The following RBFOX1 variants were observed in gnomAD, a reference collection of about 807,000 sequenced individuals.
The protein encoded by RBFOX1 is RNA binding protein fox-1 homolog 1.
RBFOX1 carries 8 observed loss-of-function variants against 57.7 expected under a neutral mutation model. That is an observed-to-expected ratio of 0.14 (90% CI 0.08 to 0.25). RBFOX1 has a LOEUF of 0.25. Among genes scored for constraint, RBFOX1 ranks in the 10% least tolerant of loss-of-function variants. The pLI, the probability that RBFOX1 is intolerant of heterozygous loss-of-function variation, is 1.00. For missense variants in RBFOX1, 611 were observed against 548.5 expected, an observed-to-expected ratio of 1.11 and a Z score of -1.14; for synonymous variants, 326 against 222.4, an observed-to-expected ratio of 1.47 and a Z score of -4.15.
intron 3 of RBFOX1, among the ~76,000 whole-genome samples, chr16:5,831,770 G>A (rs1347945223): frequency 6.6e-6 from 1 of 152,048 alleles, no homozygotes; most frequent in South Asian, 2.1e-4. Context: ...CCCGTGTCAA[G>A]TATTCCTTTT....
chr16:6,407,585 G>GAGAA (rs1479777750), intron 2 of RBFOX1, among the ~76,000 whole-genome samples: 3 of 146,308 alleles, frequency 2.1e-5, no homozygotes, highest in African/African-American at 5.3e-5. Context: ...GAGAGAGAGA[G>GAGAA]AGAGAGAGAA....
At chr16:7,200,091 G>T (rs1410903070) in intron 4 of RBFOX1, among the ~76,000 whole-genome samples, 1 of 152,194 alleles carries the variant, frequency 6.6e-6, no homozygotes, top group East Asian at 1.9e-4. Context: ...ATACATAATA[G>T]TGTCAGGGAC....
intron 3 of RBFOX1, among the ~76,000 whole-genome samples, chr16:6,799,961 C>G (rs1292634534): frequency 6.6e-6 from 1 of 152,118 alleles, no homozygotes; most frequent in African/African-American, 2.4e-5. Flanking sequence ...TGAGTCAATT[C>G]TCCTTAATAA....
intron 3 of RBFOX1, among the ~76,000 whole-genome samples, chr16:6,691,919 G>A (rs1164909501): frequency 6.6e-6 from 1 of 151,992 alleles, no homozygotes; most frequent in African/African-American, 2.4e-5. Context: ...TTTTGAATAT[G>A]GAGGAAGGGG....
chr16:5,936,705 T>G (rs2059175505), intron 4 of RBFOX1, among the ~76,000 whole-genome samples: 1 of 152,216 alleles, frequency 6.6e-6, no homozygotes, highest in Admixed American at 6.5e-5. Flanking sequence ...CTACCTCACC[T>G]AAATCATTGT....
At chr16:7,591,949 T>C (rs2094462970) in intron 7 of RBFOX1, among the ~76,000 whole-genome samples, 1 of 152,162 alleles carries the variant, frequency 6.6e-6, no homozygotes, top group African/African-American at 2.4e-5. Context: ...AAAGGTTCCC[T>C]GCTCATAGAG....
At chr16:5,713,917 G>A (rs1181783581) in intron 3 of RBFOX1, among the ~76,000 whole-genome samples, 4 of 152,202 alleles carry the variant, frequency 2.6e-5, no homozygotes, top group Non-Finnish European at 5.9e-5. Context: ...CAATCTTCCA[G>A]TGACCTCTTT....
At chr16:6,915,362 T>C (rs1203440837) in intron 3 of RBFOX1, among the ~76,000 whole-genome samples, 1 of 152,144 alleles carries the variant, frequency 6.6e-6, no homozygotes, top group South Asian at 2.1e-4. Flanking sequence ...CTCTACAGAT[T>C]AGAAAGGAAA....
chr16:5,286,400 C>T (rs2063395835), intron 1 of RBFOX1, among the ~76,000 whole-genome samples: 1 of 152,126 alleles, frequency 6.6e-6, no homozygotes, highest in South Asian at 2.1e-4. Context: ...GGCGTTTCCT[C>T]AGGCCTCTCA....
chr16:6,416,221 T>C (rs2093620544), intron 2 of RBFOX1, among the ~76,000 whole-genome samples: 2 of 152,220 alleles, frequency 1.3e-5, no homozygotes, highest in South Asian at 4.2e-4. Context: ...TCTGTAATTT[T>C]CCATCGGGTG....
Position 6,374,861 on chromosome 16 carries a change from G to C in RBFOX1, c.-64+57804G>C, listed in dbSNP as rs17140029. 2.4e-3 allele frequency among the ~76,000 whole-genome samples: 370 copies of C among 152,282 alleles called. 4 individuals are homozygous for C. The highest frequency in any genetic ancestry group is 8.2e-3 in the African/African-American group (342 of 41,550). ...TGAGATGGGAACAAATAACTTCTGA[G>C]TGAAATAAAGATTTCTTAGCCTGTC... is the stretch of plus-strand genomic sequence containing the variant. On this transcript the variant is annotated intron_variant, in intron 2 of 15. Coordinates refer to ENST00000550418, the MANE Select transcript of RBFOX1 (RefSeq NM_018723.4).
At chr16:7,452,998 G>A (rs1215176240) in intron 4 of RBFOX1, among the ~76,000 whole-genome samples, 4 of 151,942 alleles carry the variant, frequency 2.6e-5, no homozygotes, top group Admixed American at 6.6e-5. Flanking sequence ...GCATGGTGGT[G>A]CATGCCTGTA....
intron 3 of RBFOX1, among the ~76,000 whole-genome samples, chr16:6,800,822 A>G (rs1368046067): frequency 6.6e-6 from 1 of 152,126 alleles, no homozygotes; most frequent in Admixed American, 6.6e-5. Context: ...GACTGTATAA[A>G]TAGCATACAA....
intron 1 of RBFOX1, among the ~76,000 whole-genome samples, chr16:6,205,891 G>A (rs1598355764): frequency 1.9e-5 from 2 of 106,720 alleles, no homozygotes; most frequent in Admixed American, 2.6e-4. Flanking sequence ...TGGCTATGTG[G>A]AGAGCGTACC....
intron 2 of RBFOX1, among the ~76,000 whole-genome samples, chr16:6,405,960 C>T (rs2093265204): frequency 6.6e-6 from 1 of 152,176 alleles, no homozygotes; most frequent in Non-Finnish European, 1.5e-5. Context: ...ACACATATTC[C>T]TACCTTGGAT....
chr16:6,674,466 C>T (rs957309480), intron 3 of RBFOX1, among the ~76,000 whole-genome samples: 1 of 152,052 alleles, frequency 6.6e-6, no homozygotes, highest in African/African-American at 2.4e-5. Context: ...GGATTATAGG[C>T]ACCTGTCACC....
At chr16:7,541,572 C>T (rs1052936094) in intron 5 of RBFOX1, among the ~76,000 whole-genome samples, 3 of 152,086 alleles carry the variant, frequency 2.0e-5, no homozygotes, top group Admixed American at 2.0e-4. Flanking sequence ...CTTATTCCAT[C>T]TAGACTGTCC....
intron 4 of RBFOX1, among the ~76,000 whole-genome samples, chr16:7,337,921 G>T (rs1054286579): frequency 3.9e-5 from 6 of 152,224 alleles, no homozygotes; most frequent in African/African-American, 7.2e-5. Flanking sequence ...TTGACCTCAT[G>T]ATCTGCCCGC....
At chr16:6,734,196 A>G (rs559716580) in intron 3 of RBFOX1, among the ~76,000 whole-genome samples, 5 of 152,288 alleles carry the variant, frequency 3.3e-5, no homozygotes, top group African/African-American at 7.2e-5. Context: ...ACATCCGTGC[A>G]GCTCTGCAAT....
Sources: allele counts gnomAD v4.1 joint callset (sites outside exome capture counted in the v4.1 genomes callset), GRCh38; gene constraint gnomAD v4.1.1; transcripts MANE v1.5; gene names NCBI Gene and HGNC (gene_info 2026-07-23, HGNC 2026-07-21).